Variants in CNTNAP2 observed in about 807,000 individuals in gnomAD.
CNTNAP2 encodes contactin associated protein 2.
A neutral mutation model predicts 155.2 loss-of-function variants in CNTNAP2; 98 were observed. The ratio of observed to expected loss-of-function variants is 0.63; its 90% CI spans 0.54 to 0.75. The LOEUF (loss-of-function observed/expected upper bound fraction) is 0.75. CNTNAP2 is among the 30% of genes least tolerant of loss of function. The pLI is 0.00. For synonymous variants in CNTNAP2, 651 were observed against 631.2 expected (o/e 1.03, Z -0.47); for missense variants, 1,727 against 1,688.1 (o/e 1.02, Z -0.40).
chr7:147,867,719 C>G (rs1799258337), intron 13 of CNTNAP2, among the ~76,000 whole-genome samples: 2 of 152,028 alleles, frequency 1.3e-5, no homozygotes, highest in African/African-American at 4.8e-5. Flanking sequence ...CACTAATAAC[C>G]TTTCTTCTAC....
intron 20 of CNTNAP2, among the ~76,000 whole-genome samples, chr7:148,257,179 GC>G (rs1796469689): frequency 6.6e-6 from 1 of 152,058 alleles, no homozygotes. Flanking sequence ...CTACGAAGAT[GC>G]CCCCTACCCC....
At chr7:146,604,914 G>T (rs1399546226) in intron 1 of CNTNAP2, among the ~76,000 whole-genome samples, 3 of 124,024 alleles carry the variant, frequency 2.4e-5, no homozygotes, top group Non-Finnish European at 3.4e-5. Flanking sequence ...TCACACTCTG[G>T]GGACTGTTGT....
Position 148,008,040 on chromosome 7 carries a change from G to A in CNTNAP2, c.2383+30051G>A, listed in dbSNP as rs1802010580. 3.9e-5 allele frequency among the ~76,000 whole-genome samples: 6 copies of A among 152,042 alleles called. No individual in the cohort carries two copies. The South Asian group carries it at 1.2e-3, about 32-fold the overall frequency. ...AGATTTTCCTGCAATTCGCTGGGTA[G>A]GTAGAATCTAATCACATGGATCCTT... On this transcript the variant is annotated intron_variant, in intron 15 of 23. Transcript: ENST00000361727.
chr7:146,793,883 G>T (rs1234491370), intron 2 of CNTNAP2, among the ~76,000 whole-genome samples: 1 of 152,178 alleles, frequency 6.6e-6, no homozygotes, highest in Non-Finnish European at 1.5e-5. Flanking sequence ...TTCAGTTAAG[G>T]CATTTTGTTT....
intron 12 of CNTNAP2, among the ~76,000 whole-genome samples, chr7:147,579,279 T>C (rs989243): frequency 0.69 from 104,769 of 151,886 alleles, 36,710 homozygotes; most frequent in African/African-American, 0.81. Context: ...GTACAGTTTT[T>C]AGAATTTTAA....
chr7:146,449,408 G>A (rs909499146), intron 1 of CNTNAP2, among the ~76,000 whole-genome samples: 19 of 151,854 alleles, frequency 1.3e-4, no homozygotes, highest in African/African-American at 4.4e-4. Context: ...CTCTCTATAA[G>A]AAAATATATG....
chr7:148,300,112 C>T (rs1449193838), intron 21 of CNTNAP2, among the ~76,000 whole-genome samples: 1 of 152,280 alleles, frequency 6.6e-6, no homozygotes, highest in South Asian at 2.1e-4. Context: ...GAAAGCTGCT[C>T]CTAGTGTTTT....
At chr7:146,710,208 C>T (rs1335144791) in intron 1 of CNTNAP2, among the ~76,000 whole-genome samples, 3 of 152,138 alleles carry the variant, frequency 2.0e-5, no homozygotes, top group African/African-American at 7.2e-5. Context: ...AGAACCAGGA[C>T]ACAAACACAA....
chr7:146,408,152 G>A (rs903211837), intron 1 of CNTNAP2, among the ~76,000 whole-genome samples: 2 of 152,062 alleles, frequency 1.3e-5, no homozygotes, highest in South Asian at 2.1e-4. Flanking sequence ...CTGGAAAAAA[G>A]TCACACAAAT....
intron 1 of CNTNAP2, among the ~76,000 whole-genome samples, chr7:146,690,668 A>G (rs971956220): frequency 1.2e-4 from 19 of 152,182 alleles, no homozygotes; most frequent in Non-Finnish European, 2.5e-4. Flanking sequence ...AATGGTTCAC[A>G]GACAATTCTA....
intron 1 of CNTNAP2, among the ~76,000 whole-genome samples, chr7:146,770,073 C>CT (rs1802265644): frequency 6.6e-6 from 1 of 152,140 alleles, no homozygotes; most frequent in African/African-American, 2.4e-5. Context: ...AGCAACTCAA[C>CT]TAACAACAAC....
rs181272375 is a variant in CNTNAP2, at chr7:148,319,673, G to A, written c.3475+52547G>A. On this transcript the variant is annotated intron_variant, in intron 21 of 23. Coordinates refer to ENST00000361727, the MANE Select transcript of CNTNAP2 (RefSeq NM_014141.6). The stretch of plus-strand genomic sequence containing the variant: ...TAGATTCTCATAGGAGCACAAACCC[G>A]ATTGTGTACTGTGCATGCGAGGGAT... Among the ~76,000 whole-genome samples the A allele has an allele frequency of 7.2e-5, 11 of 151,802 alleles. No homozygotes were observed. The East Asian group carries it at 9.7e-4, about 13-fold the overall frequency.
chr7:148,227,554 A>G (rs1795875712), intron 19 of CNTNAP2, among the ~76,000 whole-genome samples: 2 of 152,200 alleles, frequency 1.3e-5, no homozygotes, highest in South Asian at 4.1e-4. Context: ...TGCCTCAGCC[A>G]GGGAGCAGGC....
intron 15 of CNTNAP2, among the ~76,000 whole-genome samples, chr7:148,064,017 T>C (rs1803207629): frequency 6.6e-6 from 1 of 152,148 alleles, no homozygotes; most frequent in Non-Finnish European, 1.5e-5. Flanking sequence ...TTTTGTTTGC[T>C]TTGTCGAAGA....
intron 8 of CNTNAP2, among the ~76,000 whole-genome samples, chr7:147,155,954 C>A (rs1801917234): frequency 6.6e-6 from 1 of 152,040 alleles, no homozygotes; most frequent in African/African-American, 2.4e-5. Context: ...AAATGGTAAC[C>A]AAATGCTACT....
At chr7:146,823,523 G>C (rs1327053358) in intron 2 of CNTNAP2, among the ~76,000 whole-genome samples, 4 of 134,720 alleles carry the variant, frequency 3.0e-5, no homozygotes, top group Non-Finnish European at 6.1e-5. Context: ...TCATTCTTCA[G>C]TATATTTACA....
At chr7:147,975,074 G>A (rs548732594) in intron 14 of CNTNAP2, among the ~76,000 whole-genome samples, 4 of 150,004 alleles carry the variant, frequency 2.7e-5, no homozygotes, top group African/African-American at 4.9e-5. Context: ...TTTGTATTAT[G>A]TATAATACAA....
At chr7:148,090,896 G>A (rs1302557896) in intron 15 of CNTNAP2, among the ~76,000 whole-genome samples, 2 of 152,014 alleles carry the variant, frequency 1.3e-5, no homozygotes, top group Non-Finnish European at 2.9e-5. Flanking sequence ...ATACATGATG[G>A]AAGCTTCAAA....
rs10262608 is a variant in CNTNAP2 at position 146,471,877 on chromosome 7, T to C, written c.98-302394T>C. On this transcript the variant is annotated intron_variant, in intron 1 of 23. Coordinates refer to ENST00000361727, the MANE Select transcript of CNTNAP2 (RefSeq NM_014141.6). ...TTAGAAATTAAGATCCATAAATCAC[T>C]TTTTTTGTGGGAAATGGGGACCAGT... Among the ~76,000 whole-genome samples, 720 of 150,550 alleles carry C rather than the reference T, an allele frequency of 4.8e-3. 7 individuals carry two copies. The highest frequency in any genetic ancestry group is 0.017 in the African/African-American group (672 of 39,924).
Sources: allele counts gnomAD v4.1 joint callset (sites outside exome capture counted in the v4.1 genomes callset), GRCh38; gene constraint gnomAD v4.1.1; transcripts MANE v1.5; gene names NCBI Gene and HGNC (gene_info 2026-07-23, HGNC 2026-07-21).